Variants in OSBPL2 observed in about 807,000 individuals in gnomAD.
OSBPL2 encodes oxysterol-binding protein-related protein 2.
A neutral mutation model predicts 58.4 loss-of-function variants in OSBPL2; 18 were observed. The observed-to-expected ratio is 0.31, with a 90% confidence interval of 0.21 to 0.46. The LOEUF (loss-of-function observed/expected upper bound fraction) is 0.46. OSBPL2 is among the 20% of genes least tolerant of loss of function. The pLI is 1.00. For missense variants in OSBPL2, 461 were observed against 616.5 expected (o/e 0.75, Z 2.67); for synonymous variants, 221 against 234.1 (o/e 0.94, Z 0.51).
At chr20:62,287,201 G>T (rs2145975372) in intron 11 of OSBPL2, among the ~76,000 whole-genome samples, 1 of 145,548 alleles carries the variant, frequency 6.9e-6, no homozygotes, top group South Asian at 2.2e-4. Flanking sequence ...TTAAATATAT[G>T]ATAAACTACA....
Position 62,295,251 on chromosome 20 carries a change from C to G in OSBPL2, c.*1364C>G, listed in dbSNP as rs1051768472. 2 of 152,188 alleles carry G rather than the reference C, an allele frequency of 1.3e-5. No individual in the cohort carries two copies. Among genetic ancestry groups the G allele is most frequent in the Non-Finnish European group, 2.9e-5 (2 of 68,060 alleles). The allele number at this position is 152,188 out of a possible 1,614,324, so 9.4% of individuals were successfully genotyped here. ...ACAGGCGTGAGCCACTGCGCCTGGC[C>G]GTGACTGATTTTTTTTCATGTAGAA... On this transcript the variant is annotated 3_prime_UTR_variant, in exon 14 of 14. Coordinates refer to ENST00000313733, the MANE Select transcript of OSBPL2 (RefSeq NM_144498.4). The surrounding 1 kb of genome is among the most constrained non-coding windows in gnomAD (Gnocchi z 4.8).
rs1021257415 is a variant in OSBPL2 at position 62,269,089 on chromosome 20, C to T, written c.259-3036C>T. On this transcript the variant is annotated intron_variant, in intron 4 of 13. Transcript: ENST00000313733. This position sits in a 1 kb window ranked among gnomAD's most constrained non-coding sequence, Gnocchi z 4.2. Reference sequence around the variant, plus strand: ...AAAAAAAAATGTTTTTTTGTAGAGACGGGGTCTCACTTTGTTGCCCAGGCT... The same window carrying T: ...AAAAAAAAATGTTTTTTTGTAGAGATGGGGTCTCACTTTGTTGCCCAGGCT... Among the ~76,000 whole-genome samples the T allele has an allele frequency of 1.3e-5, 2 of 151,992 alleles. No homozygotes were observed. Among genetic ancestry groups the T allele is most frequent in the Non-Finnish European group, 1.5e-5 (1 of 67,946 alleles).
chr20:62,262,281 G>A (rs1327473986), intron 3 of OSBPL2, among the ~76,000 whole-genome samples: 2 of 152,182 alleles, frequency 1.3e-5, no homozygotes, highest in Non-Finnish European at 2.9e-5. Flanking sequence ...CTCAGGCCTG[G>A]CCCCGAGCCC....
chr20:62,243,887 G>C (rs1314704528), intron 1 of OSBPL2, among the ~76,000 whole-genome samples: 1 of 151,944 alleles, frequency 6.6e-6, no homozygotes, highest in Non-Finnish European at 1.5e-5. Context: ...GGGTAGGGGG[G>C]TTAGAGATTG....
rs577459363 is a variant in OSBPL2, at chr20:62,280,095, C to A, written c.674+756C>A. On this transcript the variant is annotated intron_variant, in intron 7 of 13. Transcript: ENST00000313733. ...CCGACAGACACAGACCGGATGCTGG[C>A]GTCCTCCTGGGCCACCAGTTCTGAG... 45 of 1,304,142 alleles carry A rather than the reference C, an allele frequency of 3.5e-5. No homozygotes were observed. The African/African-American group carries it at 6.5e-4, about 19-fold the overall frequency. 80.8% of individuals were successfully genotyped at this position (1,304,142 alleles called of 1,614,324 possible).
chr20:62,239,721 C>T (rs972191202), intron 1 of OSBPL2, among the ~76,000 whole-genome samples: 10 of 152,234 alleles, frequency 6.6e-5, no homozygotes, highest in African/African-American at 2.2e-4. Flanking sequence ...GCAGGGGCCA[C>T]ATGCTGGGAA....
chr20:62,277,451 C>T lies in OSBPL2; in HGVS notation c.492-1706C>T, dbSNP rs187901731. On this transcript the variant is annotated intron_variant, in intron 6 of 13. Coordinates refer to ENST00000313733, the MANE Select transcript of OSBPL2 (RefSeq NM_144498.4). ...AGAAGCAAGCTATGCACCTTCGCAA[C>T]GCCGAGACACGTCGTCTGTCATGAG... Among the ~76,000 whole-genome samples the T allele has an allele frequency of 2.0e-3, 297 of 152,306 alleles. 3 individuals carry two copies. The highest frequency in any genetic ancestry group is 2.3e-3 in the Non-Finnish European group (157 of 68,028).
intron 5 of OSBPL2, 69 bp downstream of exon 5, chr20:62,272,328 G>A (rs1982117671): frequency 6.4e-7 from 1 of 1,562,234 alleles, no homozygotes; most frequent in Admixed American, 1.7e-5. Flanking sequence ...TGGCCACACA[G>A]TCTTGGGGCC....
At chr20:62,278,862 T>G in intron 6 of OSBPL2, 1 of 364,532 alleles carries the variant, frequency 2.7e-6, no homozygotes, top group Non-Finnish European at 5.0e-6. Flanking sequence ...TGCGATGTCA[T>G]GTTTGTGTGT....
At position 62,263,633 on chromosome 20, in the gene OSBPL2, C is replaced by T; in HGVS notation, c.200C>T (p.Pro67Leu). The change falls in exon 4 of 14, where the codon CCC becomes CTC. Residue 67 changes from proline (P) to leucine (L), a missense_variant. Coordinates refer to ENST00000313733, the MANE Select transcript of OSBPL2 (RefSeq NM_144498.4). ...IQKHRTSLPA[P>L]MFSRSDFSVW... ...CTTCGCAGGACATCGCTGCCGGCTC[C>T]CATGTTCAGCAGAAGCGACTTCAGC... 1.2e-6 allele frequency: 2 copies of T among 1,614,172 alleles called. No homozygotes were observed. Among genetic ancestry groups the T allele is most frequent in the Non-Finnish European group, 1.7e-6 (2 of 1,180,036 alleles).
intron 9 of OSBPL2, among the ~76,000 whole-genome samples, chr20:62,283,340 G>A (rs1191233468): frequency 6.6e-6 from 1 of 152,206 alleles, no homozygotes; most frequent in Non-Finnish European, 1.5e-5. Flanking sequence ...AGGCACTGCA[G>A]TGACACCGTC....
chr20:62,280,096 G>A (rs1024857446), intron 7 of OSBPL2: 78 of 1,304,038 alleles, frequency 6.0e-5, no homozygotes, highest in African/African-American at 1.2e-4. Flanking sequence ...GGATGCTGGC[G>A]TCCTCCTGGG....
Position 62,269,574 on chromosome 20 carries a change from G to A in OSBPL2, c.259-2551G>A, listed in dbSNP as rs1265224155. On this transcript the variant is annotated intron_variant, in intron 4 of 13. Transcript: ENST00000313733. The surrounding 1 kb of genome is among the most constrained non-coding windows in gnomAD (Gnocchi z 4.2). ...CTCCCCCATGCTCAGGGCTGCCACC[G>A]GCCGCACTTCCCGGCCTCCCTGGTC... Among the ~76,000 whole-genome samples the A allele has an allele frequency of 4.6e-5, 7 of 152,174 alleles. No individual in the cohort carries two copies. Among genetic ancestry groups the A allele is most frequent in the African/African-American group, 1.4e-4 (6 of 41,426 alleles).
At chr20:62,285,643 A>ATG (rs1983064452) in intron 10 of OSBPL2, 1 of 152,336 alleles carries the variant, frequency 6.6e-6, no homozygotes, top group South Asian at 2.1e-4. Context: ...GAGAGGCGCC[A>ATG]TGTGTGTGAA....
intron 4 of OSBPL2, among the ~76,000 whole-genome samples, chr20:62,268,502 C>T (rs1424372552): frequency 6.6e-6 from 1 of 152,180 alleles, no homozygotes; most frequent in Non-Finnish European, 1.5e-5. Context: ...CTCCCCACTT[C>T]TCCCCACTTC....
At chr20:62,291,218 A>ATGTAACTTCTCATGCTT (rs11467192) in intron 12 of OSBPL2, 77,553 of 200,928 alleles carry the variant, frequency 0.39, 16,552 homozygotes, top group East Asian at 0.49. Context: ...CTGGGAATGG[A>ATGTAACTTCTCATGCTT]TGTAACTTCT....
intron 6 of OSBPL2, 72 bp from the exon 7 acceptor site, chr20:62,279,085 A>G (rs1001518328): frequency 1.5e-5 from 20 of 1,338,776 alleles, no homozygotes; most frequent in Admixed American, 1.0e-4. Flanking sequence ...GGGGCTCCAC[A>G]TGATGTCTGA....
intron 3 of OSBPL2, among the ~76,000 whole-genome samples, chr20:62,260,657 G>A (rs1388881183): frequency 6.6e-6 from 1 of 152,094 alleles, no homozygotes; most frequent in African/African-American, 2.4e-5. Context: ...TCGTTTTCAT[G>A]TAGGTAGAGT....
rs963798341 is a variant in OSBPL2, at chr20:62,289,444, C to T, written c.1249+114C>T. On this transcript the variant is annotated intron_variant, in intron 12 of 13. Transcript: ENST00000313733. ...AGGCTCTCGCCTACAAGGGGAGCCC[C>T]GTCCCTCTCCCTAAACAAACAGGCA... 2.7e-5 allele frequency: 34 copies of T among 1,261,298 alleles called. No homozygotes were observed. The Middle Eastern group carries it at 8.2e-4, about 30-fold the overall frequency. 78.1% of individuals were successfully genotyped at this position (1,261,298 alleles called of 1,614,324 possible).
Sources: allele counts gnomAD v4.1 joint callset (sites outside exome capture counted in the v4.1 genomes callset), GRCh38; gene constraint gnomAD v4.1.1; non-coding constraint Gnocchi (gnomAD v3.1); transcripts MANE v1.5; gene names NCBI Gene and HGNC (gene_info 2026-07-23, HGNC 2026-07-21).